Variants in SET observed in about 807,000 individuals in gnomAD.
SET encodes SET nuclear proto-oncogene.
A neutral mutation model predicts 39.0 loss-of-function variants in SET; 4 were observed. That is an observed-to-expected ratio of 0.10 (90% CI 0.05 to 0.23). The LOEUF (loss-of-function observed/expected upper bound fraction) is 0.23, where lower values mean the gene tolerates loss of function less well. Ranked by LOEUF, SET falls within the 10% of genes least tolerant of loss-of-function variation. The pLI, the probability that SET is intolerant of heterozygous loss-of-function variation, is 1.00. For missense variants in SET, 137 were observed against 329.7 expected, an observed-to-expected ratio of 0.42 and a Z score of 4.53; for synonymous variants, 114 against 115.9, an observed-to-expected ratio of 0.98 and a Z score of 0.11.
chr9:128,684,698 C>T (rs1029453523), upstream of SET, among the ~76,000 whole-genome samples: 9 of 152,046 alleles, frequency 5.9e-5, no homozygotes, highest in African/African-American at 1.9e-4. Context: ...ACCCTCTGAT[C>T]TCGGGGCCTA....
intron 1 of SET, chr9:128,690,931 T>C: frequency 3.6e-6 from 2 of 563,248 alleles, no homozygotes; most frequent in South Asian, 2.0e-5. Flanking sequence ...TGAAACTCTT[T>C]AAAAAGGCGC....
At chr9:128,683,489 A>T (rs904232483), upstream of SET, 2 of 216,038 alleles carry the variant, frequency 9.3e-6, no homozygotes, top group Non-Finnish European at 1.8e-5. Context: ...AGGCCAAAGG[A>T]AAAAAAAAAG....
chr9:128,694,312 T>C (rs897861720), intron 7 of SET, among the ~76,000 whole-genome samples: 2 of 152,136 alleles, frequency 1.3e-5, no homozygotes, highest in African/African-American at 2.4e-5. Flanking sequence ...ACTTAGGCAA[T>C]ATAGGCAGTG....
Position 128,695,122 on chromosome 9 carries a change from T to C in SET, c.*458T>C. On this transcript the variant is annotated 3_prime_UTR_variant, in exon 8 of 8. Transcript: ENST00000322030. ...GACAGTTAGCATTTACCAACATGTA[T>C]CTGTCTACTTTCTCTTGTTTAAAAA... 1 of 225,302 alleles carries C rather than the reference T, an allele frequency of 4.4e-6. No individual in the cohort carries two copies. Among genetic ancestry groups the C allele is most frequent in the Non-Finnish European group, 8.9e-6 (1 of 112,262 alleles). The allele number at this position is 225,302 out of a possible 1,614,324, so 14.0% of individuals were successfully genotyped here.
chr9:128,693,585 A>G, intron 5 of SET, 53 bp from the exon 6 acceptor site: 2 of 1,496,358 alleles, frequency 1.3e-6, no homozygotes, highest in South Asian at 2.6e-5. Flanking sequence ...AATTATAGGG[A>G]GTTTGGGTGT....
upstream of SET, among the ~76,000 whole-genome samples, chr9:128,686,713 T>G (rs1003138851): frequency 6.6e-6 from 1 of 152,124 alleles, no homozygotes; most frequent in African/African-American, 2.4e-5. Context: ...GGCTAACTCT[T>G]GTAATCCCAG....
At chr9:128,688,803 T>G (rs902552404), upstream of SET, among the ~76,000 whole-genome samples, 76 of 152,260 alleles carry the variant, frequency 5.0e-4, no homozygotes, top group Non-Finnish European at 8.5e-4. Flanking sequence ...CTCCACGAAG[T>G]GGAAGGCGCC....
At chr9:128,683,841 T>G in exon 1 of SET, 9 of 1,453,188 alleles carry the variant, frequency 6.2e-6, no homozygotes, top group South Asian at 2.5e-5. Context: ...GTGTTCAGCC[T>G]GCTTCCGGAC....
chr9:128,694,266 C>T (rs1358579849), intron 7 of SET, among the ~76,000 whole-genome samples: 2 of 151,794 alleles, frequency 1.3e-5, no homozygotes, highest in Admixed American at 6.6e-5. Flanking sequence ...TTTGGTTAGA[C>T]TTATCACCAC....
At chr9:128,684,109 A>G (rs970074032) in intron 1 of SET, 4 of 916,934 alleles carry the variant, frequency 4.4e-6, no homozygotes, top group South Asian at 3.2e-5. Flanking sequence ...ACCCCTAAGC[A>G]CCCCCAAAGG....
chr9:128,686,354 GA>G (rs1025884916), upstream of SET, among the ~76,000 whole-genome samples: 1 of 152,150 alleles, frequency 6.6e-6, no homozygotes, highest in Non-Finnish European at 1.5e-5. Context: ...AAGGGAACCT[GA>G]AAGCCCACTC....
At chr9:128,692,129 G>C in intron 3 of SET, 129 bp downstream of exon 3, 1 of 1,106,096 alleles carries the variant, frequency 9.0e-7, no homozygotes. Context: ...TGGCGCACCT[G>C]TAATCCCAGC....
rs1434006455 is a variant in SET, at chr9:128,691,177, ACAG to A, written c.84_86del (p.Gln29del). On this transcript the variant is annotated inframe_deletion, in exon 2 of 8. Transcript: ENST00000322030. ...TTTGCTCCTTTTTTGCAGAAAAAGA[ACAG>A]CAAGAAGCGATTGAACACATTGATG... is the stretch of plus-strand genomic sequence containing the variant. The A allele has an allele frequency of 1.2e-6, 2 of 1,605,538 alleles. No homozygotes were observed. Among genetic ancestry groups the A allele is most frequent in the Non-Finnish European group, 1.7e-6 (2 of 1,177,020 alleles).
intron 1 of SET, chr9:128,684,080 C>A: frequency 8.0e-7 from 1 of 1,245,492 alleles, no homozygotes; most frequent in Non-Finnish European, 1.1e-6. Context: ...TTTTACCCCC[C>A]AATCCCTCTT....
rs1861401225 is a variant in SET, at chr9:128,689,241, T to A, written c.-342T>A. The A allele has an allele frequency of 3.0e-6, 3 of 997,630 alleles. No individual in the cohort carries two copies. The African/African-American group carries it at 5.3e-5, about 18-fold the overall frequency. The allele number at this position is 997,630 out of a possible 1,614,324, so 61.8% of individuals were successfully genotyped here. ...GCCCGCCCCTCGCCGTAGGAGGAGG[T>A]GGAGGAGGAGGCGGCTCGGGAGAGC... On this transcript the variant is annotated 5_prime_UTR_variant, in exon 1 of 8. Coordinates refer to ENST00000322030, the MANE Select transcript of SET (RefSeq NM_003011.4).
At chr9:128,685,506 A>G (rs898235678), upstream of SET, among the ~76,000 whole-genome samples, 7 of 152,342 alleles carry the variant, frequency 4.6e-5, no homozygotes, top group Non-Finnish European at 1.0e-4. Context: ...CACTGATGGC[A>G]TGCCAGAAGC....
rs368663030 is a variant in SET at position 128,693,937 on chromosome 9, T to A, written c.705T>A (p.Asp235Glu). The A allele has an allele frequency of 9.4e-5, 144 of 1,527,414 alleles. No homozygotes were observed. Among genetic ancestry groups the A allele is most frequent in the East Asian group, 1.6e-4 (7 of 44,350 alleles). The allele number at this position is 1,527,414 out of a possible 1,614,324, so 94.6% of individuals were successfully genotyped here. A position where few individuals can be genotyped will look rare whatever the true frequency, so the allele number is the denominator to read the frequency against. Reference sequence around the variant, plus strand: ...ATGAAGAAGGAGAAGGAGAAGAAGATGATGATGATGATGAAGAGGAGGAAG... The same window carrying A: ...ATGAAGAAGGAGAAGGAGAAGAAGAAGATGATGATGATGAAGAGGAGGAAG... ...MDDEEGEGEE[D>E]DDDDEEEEGL... The change falls in exon 7 of 8, where the codon GAT becomes GAA. Residue 235 changes from aspartate (D) to glutamate (E), a missense_variant. Asp to Glu is a conservative substitution (Grantham distance 45). Coordinates refer to ENST00000322030, the MANE Select transcript of SET (RefSeq NM_003011.4).
upstream of SET, among the ~76,000 whole-genome samples, chr9:128,688,660 G>A (rs895671504): frequency 9.2e-5 from 14 of 152,220 alleles, no homozygotes; most frequent in African/African-American, 3.1e-4. Context: ...AGCTTGCTGG[G>A]CAGGGCTTGG....
chr9:128,684,243 C>T (rs1237442747), upstream of SET, among the ~76,000 whole-genome samples: 1 of 152,060 alleles, frequency 6.6e-6, no homozygotes, highest in Non-Finnish European at 1.5e-5. Context: ...GAGCTTGTCT[C>T]CCCAGCCCCC....
Sources: allele counts gnomAD v4.1 joint callset (sites outside exome capture counted in the v4.1 genomes callset), GRCh38; gene constraint gnomAD v4.1.1; transcripts MANE v1.5; gene names NCBI Gene and HGNC (gene_info 2026-07-23, HGNC 2026-07-21).